SVOPL: variants seen among roughly 807,000 people sequenced by gnomAD.
SVOPL encodes SVOP like, also known as putative transporter SVOPL.
A neutral mutation model predicts 61.0 loss-of-function variants in SVOPL; 60 were observed. The ratio of observed to expected loss-of-function variants is 0.98; its 90% CI spans 0.80 to 1.22. The LOEUF is 1.22. Among genes scored for constraint, SVOPL ranks in the 50% most tolerant of loss-of-function variants. The pLI is 0.00. For missense variants in SVOPL, 662 were observed against 643.9 expected (o/e 1.03, Z -0.30); for synonymous variants, 279 against 250.0 (o/e 1.12, Z -1.09).
At chr7:138,674,804 C>A (rs1266994480) in intron 3 of SVOPL, among the ~76,000 whole-genome samples, 1 of 150,520 alleles carries the variant, frequency 6.6e-6, no homozygotes, top group South Asian at 2.1e-4. Flanking sequence ...TGCAGTGAGC[C>A]GAGATCACGC....
intron 3 of SVOPL, among the ~76,000 whole-genome samples, chr7:138,674,351 C>T (rs141259943): frequency 6.6e-6 from 1 of 152,038 alleles, no homozygotes; most frequent in Non-Finnish European, 1.5e-5. Flanking sequence ...TGAATAAGGG[C>T]CTGAACAGGT....
chr7:138,614,262 T>C (rs1799183877), intron 14 of SVOPL, among the ~76,000 whole-genome samples: 1 of 152,240 alleles, frequency 6.6e-6, no homozygotes, highest in Admixed American at 6.5e-5. Flanking sequence ...ACAGAGTCTC[T>C]GTTTGTCTAC....
chr7:138,649,266 T>G, intron 7 of SVOPL, 129 bp from the exon 8 acceptor site: 2 of 1,236,494 alleles, frequency 1.6e-6, no homozygotes, highest in African/African-American at 1.5e-5. Flanking sequence ...TATCTTCTTT[T>G]GGGAGCCACT....
chr7:138,696,417 T>G (rs1001169885), intron 1 of SVOPL, among the ~76,000 whole-genome samples: 3 of 149,900 alleles, frequency 2.0e-5, no homozygotes, highest in Admixed American at 6.7e-5. Flanking sequence ...TGTTGTTGTT[T>G]GTTGTTGTTG....
intron 10 of SVOPL, among the ~76,000 whole-genome samples, chr7:138,629,155 A>ATATG (rs1800046187): frequency 1.4e-4 from 6 of 42,736 alleles, no homozygotes; most frequent in African/African-American, 3.7e-4. Flanking sequence ...GTGTGTGTGT[A>ATATG]TATATGTATA....
intron 9 of SVOPL, among the ~76,000 whole-genome samples, chr7:138,630,967 AAAG>A (rs1001368725): frequency 5.3e-5 from 8 of 151,680 alleles, no homozygotes; most frequent in African/African-American, 1.2e-4. Flanking sequence ...AAAAAAAAAA[AAAG>A]CAAGGAAGAG....
At chr7:138,622,109 T>A (rs1385826277) in intron 13 of SVOPL, among the ~76,000 whole-genome samples, 1 of 128,282 alleles carries the variant, frequency 7.8e-6, no homozygotes, top group Non-Finnish European at 1.8e-5. Flanking sequence ...TATCTATCTA[T>A]CTATCTATCT....
rs1023816243 is a variant in SVOPL, at chr7:138,679,024, G to A, written c.22C>T (p.Pro8Ser). The change falls in exon 2 of 16, where the codon CCT becomes TCT. Residue 8 changes from proline (P) to serine (S), a missense_variant. Transcript: ENST00000674285. Reference sequence around the variant, plus strand: ...TTCCGAAGGCTGAGGATCGTGACAGGCTCTGTTGGCTTGGTTGCCATCTTC... The same window carrying A: ...TTCCGAAGGCTGAGGATCGTGACAGACTCTGTTGGCTTGGTTGCCATCTTC... The part of the protein sequence containing the change: MATKPTE[P>S]VTILSLRKLS... 3 of 1,551,456 alleles carry A rather than the reference G, an allele frequency of 1.9e-6. No homozygotes were observed. The highest frequency in any genetic ancestry group is 2.7e-5 in the African/African-American group (2 of 73,020).
In SVOPL at chr7:138,621,176, C is replaced by G. The variant is rs559943821; in HGVS notation, c.1264-41G>C. 3.8e-6 allele frequency: 6 copies of G among 1,568,392 alleles called. No individual in the cohort carries two copies. In the South Asian group the frequency reaches 7.0e-5, roughly 18 times the overall value. On this transcript the variant is annotated intron_variant, in intron 13 of 15. Transcript: ENST00000674285. The stretch of plus-strand genomic sequence containing the variant: ...CGGAAAGTACCAGTCAGATAATGTC[C>G]GTCCTTCCCCGAGCCCTCCTCTTCC...
At chr7:138,644,274 T>C (rs997715539) in intron 9 of SVOPL, among the ~76,000 whole-genome samples, 7 of 134,782 alleles carry the variant, frequency 5.2e-5, no homozygotes, top group Non-Finnish European at 9.3e-5. Flanking sequence ...CCACTCAAAA[T>C]AGATATCAGG....
At chr7:138,628,447 G>A in intron 10 of SVOPL, 84 bp from the exon 11 acceptor site, 4 of 1,390,118 alleles carry the variant, frequency 2.9e-6, no homozygotes, top group Non-Finnish European at 3.9e-6. Flanking sequence ...AGTGGAACGT[G>A]TAGCATGTGG....
chr7:138,655,212 A>T (rs1801663263), intron 7 of SVOPL, among the ~76,000 whole-genome samples: 1 of 151,366 alleles, frequency 6.6e-6, no homozygotes, highest in Non-Finnish European at 1.5e-5. Flanking sequence ...AGAAAAGAAA[A>T]ATCAGAGCCA....
At chr7:138,676,432 C>T (rs759923163) in intron 3 of SVOPL, among the ~76,000 whole-genome samples, 1 of 151,956 alleles carries the variant, frequency 6.6e-6, no homozygotes, top group Non-Finnish European at 1.5e-5. Flanking sequence ...CCCTCGTGTC[C>T]TTCGAGAGTG....
chr7:138,619,706 T>A (rs1342839352), intron 14 of SVOPL, among the ~76,000 whole-genome samples: 1 of 151,166 alleles, frequency 6.6e-6, no homozygotes, highest in Admixed American at 6.6e-5. Context: ...CCATCCCAAC[T>A]CCCGCTCTCT....
chr7:138,693,577 A>AAAGAAAG (rs1563140875), intron 1 of SVOPL, among the ~76,000 whole-genome samples: 156 of 76,102 alleles, frequency 2.0e-3, no homozygotes, highest in Non-Finnish European at 2.9e-3. Flanking sequence ...AAGAAAGAAA[A>AAAGAAAG]AAGGAAAGAA....
At chr7:138,618,704 ACG>A (rs199886108) in intron 14 of SVOPL, among the ~76,000 whole-genome samples, 14,449 of 143,966 alleles carry the variant, frequency 0.1, 959 homozygotes, top group Non-Finnish European at 0.14. Flanking sequence ...ACGCGTGCAC[ACG>A]CGCGAGAGAG....
At chr7:138,696,758 G>A (rs112134507) in intron 1 of SVOPL, among the ~76,000 whole-genome samples, 2,818 of 152,038 alleles carry the variant, frequency 0.019, 89 homozygotes, top group African/African-American at 0.064. Flanking sequence ...TGGTAGAAAC[G>A]GGGTCTTACC....
chr7:138,622,709 G>A (rs1799727964), intron 13 of SVOPL, among the ~76,000 whole-genome samples: 3 of 152,114 alleles, frequency 2.0e-5, no homozygotes, highest in African/African-American at 7.2e-5. Context: ...TGATCTTCCT[G>A]CCTCAGCCTC....
chr7:138,671,997 G>C (rs1041085058), intron 4 of SVOPL, 22 bp downstream of exon 4: 4 of 1,549,872 alleles, frequency 2.6e-6, no homozygotes, highest in Non-Finnish European at 3.5e-6. Context: ...CTGTGTTCAC[G>C]GCACAGGGAG....
Sources: allele counts gnomAD v4.1 joint callset (sites outside exome capture counted in the v4.1 genomes callset), GRCh38; gene constraint gnomAD v4.1.1; transcripts MANE v1.5; gene names NCBI Gene and HGNC (gene_info 2026-07-23, HGNC 2026-07-21).